SNTG1: variants seen among roughly 807,000 people sequenced by gnomAD.
SNTG1 encodes the protein gamma-1-syntrophin.
In SNTG1, 39 loss-of-function variants were observed where a neutral mutation model predicts 74.7. The observed-to-expected ratio is 0.52, with a 90% CI of 0.40 to 0.68. The LOEUF (loss-of-function observed/expected upper bound fraction) is 0.68. Among genes scored for constraint, SNTG1 ranks in the 30% least tolerant of loss-of-function variants. SNTG1 has a pLI of 0.00. For synonymous variants in SNTG1, 254 were observed against 217.1 expected (o/e 1.17, Z -1.49); for missense variants, 685 against 609.5 (o/e 1.12, Z -1.30).
At chr8:50,377,626 A>T (rs183870635) in intron 2 of SNTG1, among the ~76,000 whole-genome samples, 48 of 152,160 alleles carry the variant, frequency 3.2e-4, no homozygotes, top group Non-Finnish European at 5.9e-4. Flanking sequence ...ATAAATATAC[A>T]CACAAAAATG....
At chr8:50,587,546 C>T (rs899311166) in intron 12 of SNTG1, among the ~76,000 whole-genome samples, 8 of 152,078 alleles carry the variant, frequency 5.3e-5, no homozygotes, top group Non-Finnish European at 1.0e-4. Flanking sequence ...GTGGCTTGGC[C>T]GGGCGCAGTG....
At chr8:50,669,976 T>C (rs1030235015) in intron 15 of SNTG1, among the ~76,000 whole-genome samples, 4 of 152,120 alleles carry the variant, frequency 2.6e-5, no homozygotes, top group African/African-American at 9.7e-5. Flanking sequence ...AAAAGGCCTT[T>C]GACAAAATTC....
At chr8:50,541,854 T>C (rs1183131756) in intron 11 of SNTG1, among the ~76,000 whole-genome samples, 1 of 151,914 alleles carries the variant, frequency 6.6e-6, no homozygotes, top group Non-Finnish European at 1.5e-5. Flanking sequence ...ATGAACAATT[T>C]ACTAGCTGTC....
At chr8:50,683,321 C>T (rs183705483) in intron 15 of SNTG1, among the ~76,000 whole-genome samples, 6 of 152,162 alleles carry the variant, frequency 3.9e-5, no homozygotes, top group Non-Finnish European at 8.8e-5. Flanking sequence ...TAACTATAGG[C>T]ATGTATGGGG....
intron 1 of SNTG1, among the ~76,000 whole-genome samples, chr8:50,102,381 C>A (rs1191970427): frequency 6.6e-6 from 1 of 151,506 alleles, no homozygotes; most frequent in African/African-American, 2.4e-5. Context: ...CTGTTCATGT[C>A]CTTCACCCAC....
At chr8:50,140,975 C>T (rs540982344) in intron 1 of SNTG1, among the ~76,000 whole-genome samples, 16 of 152,238 alleles carry the variant, frequency 1.1e-4, no homozygotes, top group Middle Eastern at 3.4e-3. Flanking sequence ...TCCAAAGCAA[C>T]GGCTTTAACA....
chr8:50,261,466 G>A (rs1001332973), intron 2 of SNTG1, among the ~76,000 whole-genome samples: 3 of 152,024 alleles, frequency 2.0e-5, no homozygotes, highest in Non-Finnish European at 4.4e-5. Context: ...AAAATGAAAA[G>A]CACTAGAGAA....
In SNTG1 at chr8:50,572,275, T is replaced by TATAGAGAGAG. The variant is rs567247331; in HGVS notation, c.811-18603_811-18602insTAGAGAGAGA. ...CACCTATTTTATATATATATATATA[T>TATAGAGAGAG]AGAGAGAGAGAGAGAGAGAGTCATT... is the stretch of plus-strand genomic sequence containing the variant. On this transcript the variant is annotated intron_variant, in intron 12 of 18. Coordinates refer to ENST00000642720, the MANE Select transcript of SNTG1 (RefSeq NM_018967.5). Among the ~76,000 whole-genome samples the TATAGAGAGAG allele has an allele frequency of 2.5e-3, 368 of 148,362 alleles. 6 individuals carry two copies. The highest frequency in any genetic ancestry group is 8.6e-3 in the African/African-American group (344 of 39,928).
chr8:50,200,715 A>G (rs2083954058), intron 2 of SNTG1, among the ~76,000 whole-genome samples: 1 of 152,178 alleles, frequency 6.6e-6, no homozygotes, highest in African/African-American at 2.4e-5. Context: ...AGGCAATTTC[A>G]GAATGAATCA....
chr8:50,408,401 G>T (rs1416373919), intron 4 of SNTG1, among the ~76,000 whole-genome samples: 3 of 152,214 alleles, frequency 2.0e-5, no homozygotes, highest in Admixed American at 2.0e-4. Flanking sequence ...TAGGGAGTCA[G>T]TTATGCCAGA....
intron 2 of SNTG1, among the ~76,000 whole-genome samples, chr8:50,218,567 G>T (rs1338152263): frequency 1.3e-5 from 2 of 150,972 alleles, no homozygotes; most frequent in African/African-American, 2.4e-5. Flanking sequence ...TTTTTTTTCA[G>T]TATAGTGAAT....
chr8:50,622,562 T>G (rs1271560370), intron 13 of SNTG1, among the ~76,000 whole-genome samples: 1 of 152,174 alleles, frequency 6.6e-6, no homozygotes, highest in Admixed American at 6.5e-5. Context: ...TTCTCTTTAT[T>G]TGTAAATTAA....
chr8:50,248,148 C>A (rs1003070506), intron 2 of SNTG1, among the ~76,000 whole-genome samples: 3 of 152,118 alleles, frequency 2.0e-5, no homozygotes, highest in Non-Finnish European at 4.4e-5. Context: ...ATTAGTTCTG[C>A]AAACACCTTA....
chr8:50,632,104 A>C (rs1000263686), intron 13 of SNTG1, among the ~76,000 whole-genome samples: 6 of 152,074 alleles, frequency 3.9e-5, no homozygotes, highest in Non-Finnish European at 7.4e-5. Context: ...TTTCACAAAC[A>C]TAGGATATGG....
intron 1 of SNTG1, among the ~76,000 whole-genome samples, chr8:50,035,003 C>T (rs1285595720): frequency 1.3e-5 from 2 of 152,198 alleles, no homozygotes; most frequent in Non-Finnish European, 2.9e-5. Context: ...ACAATCTGCA[C>T]TCCAAGTTGT....
chr8:50,144,824 G>A (rs2081799623), intron 1 of SNTG1, among the ~76,000 whole-genome samples: 1 of 152,146 alleles, frequency 6.6e-6, no homozygotes, highest in Non-Finnish European at 1.5e-5. Flanking sequence ...ATCAATAGTT[G>A]TAAAAGAAAG....
At chr8:50,392,832 TG>T (rs1283809920) in intron 2 of SNTG1, among the ~76,000 whole-genome samples, 10 of 152,168 alleles carry the variant, frequency 6.6e-5, no homozygotes, top group Non-Finnish European at 1.0e-4. Context: ...AATTTTAAGA[TG>T]TATGCATTAA....
chr8:49,988,535 A>C (rs1813386673), intron 1 of SNTG1, among the ~76,000 whole-genome samples: 1 of 152,216 alleles, frequency 6.6e-6, no homozygotes, highest in Non-Finnish European at 1.5e-5. Flanking sequence ...TGAAAAATAC[A>C]CTACATGAAT....
intron 12 of SNTG1, among the ~76,000 whole-genome samples, chr8:50,582,000 T>A (rs531497008): frequency 6.6e-6 from 1 of 152,294 alleles, no homozygotes; most frequent in East Asian, 1.9e-4. Flanking sequence ...ACAGTTCTTT[T>A]CTTAGACATG....
Sources: gnomAD v4.1 joint callset for allele counts (sites outside exome capture counted in the v4.1 genomes callset) on GRCh38, gnomAD v4.1.1 for gene constraint, MANE v1.5 for transcripts, NCBI Gene and HGNC (gene_info 2026-07-23, HGNC 2026-07-21) for gene names.